The following CUBN variants were observed in gnomAD, a reference collection of about 807,000 sequenced individuals.
CUBN encodes the protein 460 kDa receptor.
In CUBN, 282 loss-of-function variants were observed where a neutral mutation model predicts 405.3. The ratio of observed to expected loss-of-function variants is 0.70; its 90% CI spans 0.63 to 0.77. The LOEUF (loss-of-function observed/expected upper bound fraction) is 0.77, where lower values mean the gene tolerates loss of function less well. CUBN is among the 30% of genes least tolerant of loss of function. The pLI is 0.00. For missense variants in CUBN, 4,514 were observed against 4,475.2 expected (o/e 1.01, Z -0.25); for synonymous variants, 1,684 against 1,617.0 (o/e 1.04, Z -0.99).
At chr10:16,978,446 C>T (rs1337554075) in intron 31 of CUBN, among the ~76,000 whole-genome samples, 1 of 152,222 alleles carries the variant, frequency 6.6e-6, no homozygotes, top group Admixed American at 6.5e-5. Context: ...TTTCAGTCTG[C>T]ATGATGCTTA....
At chr10:16,868,637 T>C (rs1840255364) in intron 59 of CUBN, among the ~76,000 whole-genome samples, 1 of 152,322 alleles carries the variant, frequency 6.6e-6, no homozygotes, top group African/African-American at 2.4e-5. Flanking sequence ...TTTAAATTAT[T>C]CAAAATTCTG....
At chr10:17,002,135 T>C (rs1185226981) in intron 28 of CUBN, among the ~76,000 whole-genome samples, 1 of 152,198 alleles carries the variant, frequency 6.6e-6, no homozygotes, top group Non-Finnish European at 1.5e-5. Flanking sequence ...GAGAAACCTC[T>C]GGGGACAAAA....
chr10:16,877,513 C>T (rs11254256), intron 56 of CUBN, among the ~76,000 whole-genome samples: 8,313 of 152,224 alleles, frequency 0.055, 750 homozygotes, highest in East Asian at 0.32. Context: ...GCAGCACCTA[C>T]ACCCCGGACC....
At chr10:16,964,489 G>C (rs1479640071) in intron 31 of CUBN, among the ~76,000 whole-genome samples, 1 of 152,134 alleles carries the variant, frequency 6.6e-6, no homozygotes, top group African/African-American at 2.4e-5. Context: ...TTGTATGTGT[G>C]TGTTTGTGAG....
chr10:17,104,701 T>C (rs537917654), intron 11 of CUBN, 96 bp from the exon 12 acceptor site: 3 of 341,452 alleles, frequency 8.8e-6, no homozygotes, highest in Non-Finnish European at 1.1e-5. Flanking sequence ...CATGGAGATA[T>C]ATAATATATA....
chr10:17,066,787 T>C (rs111226896), intron 21 of CUBN, among the ~76,000 whole-genome samples: 1,704 of 152,114 alleles, frequency 0.011, 32 homozygotes, highest in African/African-American at 0.038. Context: ...GAAAATAAAA[T>C]GCAAGATAAA....
intron 4 of CUBN, among the ~76,000 whole-genome samples, chr10:17,124,305 C>T (rs1487503878): frequency 6.6e-6 from 1 of 152,222 alleles, no homozygotes; most frequent in Non-Finnish European, 1.5e-5. Context: ...ACATCTACAT[C>T]TACATAACCT....
At position 16,866,733 on chromosome 10, in the gene CUBN, G is replaced by T. The variant is rs114108747; in HGVS notation, c.9454+2903C>A. ...TTATTCATATAGCATTGGAGCACAG[G>T]GGGGAGACAAGCAGGCACATTTCCA... On this transcript the variant is annotated intron_variant, in intron 59 of 66. Transcript: ENST00000377833. 8.8e-3 allele frequency among the ~76,000 whole-genome samples: 1,340 copies of T among 152,250 alleles called. 17 individuals carry two copies. The highest frequency in any genetic ancestry group is 0.03 in the African/African-American group (1,263 of 41,538).
At chr10:17,001,757 C>T (rs888252086) in intron 28 of CUBN, among the ~76,000 whole-genome samples, 2 of 152,142 alleles carry the variant, frequency 1.3e-5, no homozygotes, top group Non-Finnish European at 2.9e-5. Context: ...TATCTTCAGA[C>T]AAATTTAAGA....
chr10:17,044,066 A>G (rs1389283330), intron 25 of CUBN, 83 bp from the exon 26 acceptor site: 14 of 734,600 alleles, frequency 1.9e-5, no homozygotes, highest in Non-Finnish European at 3.0e-5. Flanking sequence ...AGTGAGGAAG[A>G]AAAAATATAT....
At chr10:17,030,255 T>G (rs944950790) in intron 27 of CUBN, among the ~76,000 whole-genome samples, 1 of 152,152 alleles carries the variant, frequency 6.6e-6, no homozygotes. Flanking sequence ...ATAAATACAA[T>G]GCACTTGAAT....
chr10:16,949,956 A>C, intron 34 of CUBN, 45 bp downstream of exon 34: 1 of 1,401,390 alleles, frequency 7.1e-7, no homozygotes, highest in South Asian at 1.2e-5. Context: ...CTATAAATAA[A>C]GCACAGCCAA....
intron 47 of CUBN, among the ~76,000 whole-genome samples, chr10:16,914,428 G>A (rs1039382015): frequency 2.6e-5 from 4 of 152,006 alleles, no homozygotes; most frequent in Non-Finnish European, 1.5e-5. Context: ...GCGTCGTGGC[G>A]TGCGCCTGTA....
chr10:16,969,251 G>A (rs1843483894), intron 31 of CUBN, among the ~76,000 whole-genome samples: 1 of 151,930 alleles, frequency 6.6e-6, no homozygotes, highest in South Asian at 2.1e-4. Flanking sequence ...CATTTATTCA[G>A]CTATGCATCT....
At position 16,906,301 on chromosome 10, in the gene CUBN, T is replaced by G. The variant is rs775307487; in HGVS notation, c.7814A>C (p.Asn2605Thr). ...AATGGATGAATTTCCCTGATTTGGA[T>G]TGCTGAGAGTCCATTCGCAGTTCAG... Reference protein sequence around the residue: ...RNLNCEWTLSNPNQGNSSISI... With the variant: ...RNLNCEWTLSTPNQGNSSISI... Residue 2605 changes from asparagine (N) to threonine (T), a missense_variant, in exon 50 of 67, where the codon AAT becomes ACT. Asn to Thr is a moderately conservative substitution (Grantham distance 65, BLOSUM62 0). This residue lies in a region of CUBN where 1,613 missense variants were observed against 1,542.8 expected (regional missense o/e 1.05). Coordinates refer to ENST00000377833, the MANE Select transcript of CUBN (RefSeq NM_001081.4). The G allele has an allele frequency of 6.2e-7, 1 of 1,613,726 alleles. No homozygotes were observed. Among genetic ancestry groups the G allele is most frequent in the African/African-American group, 1.3e-5 (1 of 74,914 alleles).
intron 60 of CUBN, among the ~76,000 whole-genome samples, chr10:16,846,156 G>A (rs1839502255): frequency 6.6e-6 from 1 of 152,178 alleles, no homozygotes; most frequent in African/African-American, 2.4e-5. Context: ...TAAGCTGAGG[G>A]AAGACTGTAC....
intron 55 of CUBN, among the ~76,000 whole-genome samples, chr10:16,889,484 A>G (rs1840927401): frequency 6.6e-6 from 1 of 152,192 alleles, no homozygotes; most frequent in Non-Finnish European, 1.5e-5. Flanking sequence ...TTTCCCACGA[A>G]TCTAATAGTG....
intron 45 of CUBN, among the ~76,000 whole-genome samples, chr10:16,916,449 G>C (rs1353845895): frequency 2.6e-5 from 4 of 152,214 alleles, no homozygotes; most frequent in Non-Finnish European, 4.4e-5. Flanking sequence ...AAGGGGTACT[G>C]TGGGGACACC....
intron 41 of CUBN, 69 bp downstream of exon 41, chr10:16,928,088 A>G (rs1842243750): frequency 6.5e-7 from 1 of 1,539,198 alleles, no homozygotes; most frequent in Non-Finnish European, 9.0e-7. Context: ...TATATTAGGA[A>G]GAGAGAAAGA....
Sources: allele counts gnomAD v4.1 joint callset (sites outside exome capture counted in the v4.1 genomes callset), GRCh38; gene constraint gnomAD v4.1.1; regional missense constraint gnomAD v4.1.1; transcripts MANE v1.5; gene names NCBI Gene and HGNC (gene_info 2026-07-23, HGNC 2026-07-21).